DOCK8: variants seen among roughly 807,000 people sequenced by gnomAD.
The protein encoded by DOCK8 is dedicator of cytokinesis protein 8.
In DOCK8, 141 loss-of-function variants were observed where a neutral mutation model predicts 245.6. That is an observed-to-expected ratio of 0.57 (90% CI 0.50 to 0.66). The LOEUF (loss-of-function observed/expected upper bound fraction) is 0.66, where lower values mean the gene tolerates loss of function less well. DOCK8 is among the 30% of genes least tolerant of loss of function. The pLI, the probability that DOCK8 is intolerant of heterozygous loss-of-function variation, is 0.00. For missense variants in DOCK8, 2,965 were observed against 2,603.4 expected, an observed-to-expected ratio of 1.14 and a Z score of -3.02; for synonymous variants, 1,168 against 970.2, an observed-to-expected ratio of 1.20 and a Z score of -3.79.
chr9:369,442 A>T (rs2053179454), intron 15 of DOCK8: 1 of 152,340 alleles, frequency 6.6e-6, no homozygotes, highest in Admixed American at 6.5e-5. Context: ...TTTTCTCTGC[A>T]CAAAGGTGAG....
chr9:318,049 CAT>C (rs1554666571), intron 7 of DOCK8, among the ~76,000 whole-genome samples: 2 of 151,680 alleles, frequency 1.3e-5, no homozygotes, highest in Non-Finnish European at 1.5e-5. Context: ...CATTATAAAA[CAT>C]AATAGAAATT....
At chr9:408,895 CGCGCGT>C (rs2055570495) in intron 28 of DOCK8, among the ~76,000 whole-genome samples, 36 of 117,494 alleles carry the variant, frequency 3.1e-4, no homozygotes, top group African/African-American at 1.4e-3. Flanking sequence ...CACGCACACA[CGCGCGT>C]GCACATGCAC....
chr9:355,199 T>C (rs1355369804), intron 14 of DOCK8, among the ~76,000 whole-genome samples: 641 of 35,390 alleles, frequency 0.018, 21 homozygotes, highest in African/African-American at 0.024. Context: ...TTTCTTTTTT[T>C]TTTTTTTTTT....
At chr9:409,261 G>A (rs1301688968) in intron 28 of DOCK8, among the ~76,000 whole-genome samples, 1 of 152,094 alleles carries the variant, frequency 6.6e-6, no homozygotes, top group African/African-American at 2.4e-5. Context: ...TCTGACACCT[G>A]GGTATATCCA....
chr9:351,145 GT>G (rs2052148283), intron 14 of DOCK8, among the ~76,000 whole-genome samples: 1 of 152,102 alleles, frequency 6.6e-6, no homozygotes, highest in Non-Finnish European at 1.5e-5. Context: ...TAGGGTCGGG[GT>G]TCCACCGGGA....
chr9:373,752 G>A (rs1045134947), intron 18 of DOCK8, among the ~76,000 whole-genome samples: 2 of 152,160 alleles, frequency 1.3e-5, no homozygotes, highest in African/African-American at 2.4e-5. Flanking sequence ...ACAGGCATGT[G>A]TCTGGTAAAC....
At position 340,170 on chromosome 9, in the gene DOCK8, CTG is replaced by C. The variant is rs754062817; in HGVS notation, c.1529_1530del (p.Leu510ArgfsTer16). ...TTTTCTCTCTTTAGGCTTGCTAAGA[CTG>C]GAGATTTCTACAGCTCCAGAGATCA... ...RVKSIPGLLR[L>X]EISTAPEIIN... On this transcript the variant is annotated frameshift_variant, in exon 14 of 48. Coordinates refer to ENST00000432829, the MANE Select transcript of DOCK8 (RefSeq NM_203447.4). LOFTEE classifies it high-confidence loss of function. The C allele has an allele frequency of 6.2e-7, 1 of 1,614,116 alleles. No individual in the cohort carries two copies. The highest frequency in any genetic ancestry group is 1.1e-5 in the South Asian group (1 of 91,090).
At chr9:331,683 A>G (rs1163014370) in intron 9 of DOCK8, among the ~76,000 whole-genome samples, 1 of 152,224 alleles carries the variant, frequency 6.6e-6, no homozygotes, top group African/African-American at 2.4e-5. Context: ...GCCCAAATTT[A>G]TGACAACTGG....
chr9:285,990 C>T (rs948518021), intron 2 of DOCK8, among the ~76,000 whole-genome samples: 11 of 152,164 alleles, frequency 7.2e-5, no homozygotes, highest in African/African-American at 2.7e-4. Context: ...CAATGTATAG[C>T]ATAACTTAGG....
intron 27 of DOCK8, among the ~76,000 whole-genome samples, chr9:406,685 C>T (rs1216545636): frequency 6.6e-6 from 1 of 151,966 alleles, no homozygotes; most frequent in African/African-American, 2.4e-5. Context: ...ATTCATTTTT[C>T]AACAGACCCG....
Position 383,651 on chromosome 9 carries a change from G to C in DOCK8, c.2778+966G>C, listed in dbSNP as rs574424853. On this transcript the variant is annotated intron_variant, in intron 22 of 47. Coordinates refer to ENST00000432829, the MANE Select transcript of DOCK8 (RefSeq NM_203447.4). ...GGAGGTGGAGGTTGCAGTGAGCCGA[G>C]ATTGCACCACTGCACTCCAGCTTGA... 3.2e-5 allele frequency among the ~76,000 whole-genome samples: 4 copies of C among 124,656 alleles called. No individual in the cohort carries two copies. The South Asian group carries it at 1.1e-3, about 33-fold the overall frequency. The allele number at this position is 124,656 out of a possible 152,430, so 81.8% of individuals were successfully genotyped here.
intron 14 of DOCK8, chr9:366,383 T>C (rs2053001510): frequency 6.6e-6 from 1 of 152,378 alleles, no homozygotes; most frequent in African/African-American, 2.4e-5. Flanking sequence ...TTTGCCTCCA[T>C]GGCCTTTGAA....
chr9:286,259 A>G (rs1315528892), intron 2 of DOCK8, among the ~76,000 whole-genome samples: 1 of 152,162 alleles, frequency 6.6e-6, no homozygotes, highest in Non-Finnish European at 1.5e-5. Context: ...TCATCATGTT[A>G]TGACTTGACT....
At chr9:242,940 A>T (rs2047411304) in intron 1 of DOCK8, among the ~76,000 whole-genome samples, 1 of 152,110 alleles carries the variant, frequency 6.6e-6, no homozygotes, top group Admixed American at 6.5e-5. Context: ...GCATCAGAAA[A>T]TCCTGTGGTA....
intron 14 of DOCK8, among the ~76,000 whole-genome samples, chr9:347,016 GC>G (rs2051922222): frequency 6.6e-6 from 1 of 152,262 alleles, no homozygotes; most frequent in Non-Finnish European, 1.5e-5. Context: ...TCTTCTCAGT[GC>G]TAGGTGAAGG....
intron 1 of DOCK8, among the ~76,000 whole-genome samples, chr9:237,373 G>A (rs114109228): frequency 0.013 from 1,989 of 152,368 alleles, 50 homozygotes; most frequent in African/African-American, 0.046. Context: ...CAATTGCAAG[G>A]GCTGGGTGCT....
chr9:267,977 T>A (rs1436530399), intron 1 of DOCK8: 1 of 152,230 alleles, frequency 6.6e-6, no homozygotes, highest in Non-Finnish European at 1.5e-5. Context: ...TGGTTGCATA[T>A]TACAGTATTA....
At chr9:456,429 A>C (rs2057642416) in intron 46 of DOCK8, 1 of 152,378 alleles carries the variant, frequency 6.6e-6, no homozygotes, top group Middle Eastern at 3.4e-3. Context: ...GCTTCTCAGC[A>C]GACTTGGGCT....
intron 2 of DOCK8, among the ~76,000 whole-genome samples, chr9:276,161 G>C (rs1191358432): frequency 6.6e-6 from 1 of 152,238 alleles, no homozygotes; most frequent in East Asian, 1.9e-4. Context: ...AAAGTGCTGG[G>C]ATTACAGGCT....
Sources: gnomAD v4.1 joint callset for allele counts (sites outside exome capture counted in the v4.1 genomes callset) on GRCh38, gnomAD v4.1.1 for gene constraint, MANE v1.5 for transcripts, NCBI Gene and HGNC (gene_info 2026-07-23, HGNC 2026-07-21) for gene names.